Variants in CFDP1 observed in about 807,000 individuals in gnomAD.
CFDP1 encodes the protein chromatin remodeling protein CFDP1.
A neutral mutation model predicts 40.1 loss-of-function variants in CFDP1; 31 were observed. The observed-to-expected ratio is 0.77, with a 90% CI of 0.58 to 1.04. CFDP1 has a LOEUF of 1.04. CFDP1 is among the 50% of genes least tolerant of loss of function. The pLI is 0.00. For synonymous variants in CFDP1, 167 were observed against 120.0 expected (o/e 1.39, Z -2.56); for missense variants, 423 against 343.4 (o/e 1.23, Z -1.83).
chr16:75,367,588 T>C (rs914130067), intron 5 of CFDP1, among the ~76,000 whole-genome samples: 2 of 150,576 alleles, frequency 1.3e-5, no homozygotes, highest in African/African-American at 4.9e-5. Context: ...AGGATAGGAG[T>C]TCAAGACCAG....
intron 4 of CFDP1, among the ~76,000 whole-genome samples, chr16:75,395,928 GAGA>G (rs1405817470): frequency 2.1e-5 from 3 of 144,086 alleles, no homozygotes; most frequent in East Asian, 2.1e-4. Context: ...CAGATAAAGA[GAGA>G]AGGAGAAATG....
chr16:75,366,577 C>T (rs754853268), intron 5 of CFDP1, among the ~76,000 whole-genome samples: 14 of 151,590 alleles, frequency 9.2e-5, no homozygotes, highest in Admixed American at 6.6e-4. Flanking sequence ...GAGCCGAGAT[C>T]GTGCCACTGT....
intron 5 of CFDP1, among the ~76,000 whole-genome samples, chr16:75,323,226 T>A (rs1292210182): frequency 3.3e-5 from 5 of 150,716 alleles, no homozygotes; most frequent in Admixed American, 3.3e-4. Flanking sequence ...CTTTTTAACG[T>A]TAAAAAAAAA....
At chr16:75,403,294 C>G (rs2049435401) in intron 4 of CFDP1, among the ~76,000 whole-genome samples, 2 of 152,336 alleles carry the variant, frequency 1.3e-5, no homozygotes. Flanking sequence ...TCTCAGCACA[C>G]AGCAACCTCT....
intron 1 of CFDP1, among the ~76,000 whole-genome samples, chr16:75,417,409 T>C (rs1004965734): frequency 6.6e-6 from 1 of 152,116 alleles, no homozygotes; most frequent in Non-Finnish European, 1.5e-5. Flanking sequence ...ATGTGTAAAA[T>C]TTCTATGTAT....
chr16:75,330,985 ACAC>A (rs2078442449), intron 5 of CFDP1, among the ~76,000 whole-genome samples: 1 of 142,674 alleles, frequency 7.0e-6, no homozygotes. Flanking sequence ...AAAAAAAAAA[ACAC>A]AAAGTGGGCC....
chr16:75,405,632 G>C (rs1468103687), intron 4 of CFDP1, among the ~76,000 whole-genome samples: 2 of 151,888 alleles, frequency 1.3e-5, no homozygotes, highest in Non-Finnish European at 2.9e-5. Context: ...CGTGCCTGTA[G>C]TCCAGCTACT....
chr16:75,420,958 G>T (rs532698587), intron 1 of CFDP1, among the ~76,000 whole-genome samples: 1 of 152,192 alleles, frequency 6.6e-6, no homozygotes, highest in Non-Finnish European at 1.5e-5. Context: ...ACAGGCAAAT[G>T]TTGTAGACAG....
At position 75,325,657 on chromosome 16, in the gene CFDP1, C is replaced by T. The variant is rs78438056; in HGVS notation, c.651-20475G>A. Reference sequence around the variant, plus strand: ...TGTTCACTGATATAACCTAAGCACCCGGCAGGGTGCCTGGCACTTGGTAGG... The same window carrying T: ...TGTTCACTGATATAACCTAAGCACCTGGCAGGGTGCCTGGCACTTGGTAGG... On this transcript the variant is annotated intron_variant, in intron 5 of 6. Transcript: ENST00000283882. 2.2e-3 allele frequency among the ~76,000 whole-genome samples: 330 copies of T among 152,344 alleles called. 7 individuals carry two copies. The East Asian group carries it at 0.046, about 21-fold the overall frequency.
At chr16:75,344,487 G>A (rs530923251) in intron 5 of CFDP1, among the ~76,000 whole-genome samples, 33 of 152,130 alleles carry the variant, frequency 2.2e-4, no homozygotes, top group African/African-American at 5.6e-4. Context: ...GAACAACCAC[G>A]TTATAGCTTA....
At chr16:75,386,368 T>G (rs1163693267) in intron 5 of CFDP1, among the ~76,000 whole-genome samples, 1 of 152,240 alleles carries the variant, frequency 6.6e-6, no homozygotes, top group African/African-American at 2.4e-5. Context: ...GTTGTAGGTA[T>G]TCAATCCGAA....
chr16:75,331,002 T>A (rs1262335268), intron 5 of CFDP1, among the ~76,000 whole-genome samples: 5 of 151,394 alleles, frequency 3.3e-5, no homozygotes, highest in Admixed American at 2.0e-4. Flanking sequence ...GTGGGCCTTA[T>A]TCACCAGGGC....
At chr16:75,334,215 C>T (rs1248228943) in intron 5 of CFDP1, among the ~76,000 whole-genome samples, 1 of 151,914 alleles carries the variant, frequency 6.6e-6, no homozygotes, top group Non-Finnish European at 1.5e-5. Flanking sequence ...AACCCTAACC[C>T]TAACCCTAAC....
intron 5 of CFDP1, among the ~76,000 whole-genome samples, chr16:75,330,199 T>C (rs1159644753): frequency 2.6e-5 from 4 of 152,182 alleles, no homozygotes; most frequent in Admixed American, 2.6e-4. Context: ...TATCCACACA[T>C]TATGGCTTGG....
At chr16:75,328,588 A>AAACTCT (rs2078421159) in intron 5 of CFDP1, among the ~76,000 whole-genome samples, 1 of 142,788 alleles carries the variant, frequency 7.0e-6, no homozygotes, top group Non-Finnish European at 1.5e-5. Context: ...GACAAGAATG[A>AAACTCT]AACTCTGTCT....
intron 5 of CFDP1, among the ~76,000 whole-genome samples, chr16:75,347,870 G>C (rs1006397280): frequency 6.6e-6 from 1 of 152,050 alleles, no homozygotes; most frequent in Non-Finnish European, 1.5e-5. Context: ...CTCATCATGC[G>C]AAATCACGAA....
intron 5 of CFDP1, among the ~76,000 whole-genome samples, chr16:75,331,057 G>C (rs2078443014): frequency 6.6e-6 from 1 of 151,852 alleles, no homozygotes; most frequent in African/African-American, 2.4e-5. Context: ...ATTCAGGACA[G>C]GCCTCCTCTG....
chr16:75,359,839 T>C (rs2078670655), intron 5 of CFDP1, among the ~76,000 whole-genome samples: 1 of 152,250 alleles, frequency 6.6e-6, no homozygotes, highest in Admixed American at 6.5e-5. Flanking sequence ...CAGTGTTTTA[T>C]AAGTAACATC....
intron 5 of CFDP1, among the ~76,000 whole-genome samples, chr16:75,344,081 A>G (rs932499192): frequency 6.6e-6 from 1 of 152,200 alleles, no homozygotes; most frequent in Admixed American, 6.5e-5. Context: ...GTATGACAAC[A>G]AGCTGTAATA....
Sources: gnomAD v4.1 joint callset for allele counts (sites outside exome capture counted in the v4.1 genomes callset) on GRCh38, gnomAD v4.1.1 for gene constraint, MANE v1.5 for transcripts, NCBI Gene and HGNC (gene_info 2026-07-23, HGNC 2026-07-21) for gene names.